PRKAR2B: variants seen among roughly 807,000 people sequenced by gnomAD.
The protein encoded by PRKAR2B is protein kinase cAMP-dependent type II regulatory subunit beta.
A neutral mutation model predicts 49.9 loss-of-function variants in PRKAR2B; 14 were observed. That is an observed-to-expected ratio of 0.28 (90% CI 0.19 to 0.44). The LOEUF (loss-of-function observed/expected upper bound fraction) is 0.44. PRKAR2B is among the 20% of genes least tolerant of loss of function. The pLI, the probability that PRKAR2B is intolerant of heterozygous loss-of-function variation, is 1.00. For synonymous variants in PRKAR2B, 196 were observed against 197.7 expected (o/e 0.99, Z 0.07); for missense variants, 393 against 537.9 (o/e 0.73, Z 2.67).
intron 1 of PRKAR2B, among the ~76,000 whole-genome samples, chr7:107,049,564 G>A (rs1793761054): frequency 6.6e-6 from 1 of 151,884 alleles, no homozygotes; most frequent in Admixed American, 6.6e-5. Flanking sequence ...TTAAGGTCAA[G>A]CAAAATATTG....
intron 10 of PRKAR2B, among the ~76,000 whole-genome samples, 196 bp from the exon 11 acceptor site, chr7:107,159,253 G>A (rs530417584): frequency 1.3e-5 from 2 of 152,224 alleles, no homozygotes; most frequent in South Asian, 4.2e-4. Flanking sequence ...GCAGAGTGTG[G>A]TCCAAGAGCG....
At chr7:107,079,954 T>C (rs1461728821) in intron 2 of PRKAR2B, among the ~76,000 whole-genome samples, 1 of 152,132 alleles carries the variant, frequency 6.6e-6, no homozygotes, top group Non-Finnish European at 1.5e-5. Flanking sequence ...TAAGGACCAG[T>C]GTGAATATAG....
intron 3 of PRKAR2B, among the ~76,000 whole-genome samples, chr7:107,125,787 C>T (rs1327383887): frequency 6.6e-6 from 1 of 152,002 alleles, no homozygotes; most frequent in African/African-American, 2.4e-5. Context: ...AAAAAAAATA[C>T]TACTTAGAAA....
chr7:107,070,941 A>T (rs1190259328), intron 2 of PRKAR2B, among the ~76,000 whole-genome samples: 2 of 152,218 alleles, frequency 1.3e-5, no homozygotes, highest in Non-Finnish European at 2.9e-5. Context: ...TTAGCCATTA[A>T]CAAGGGCGTA....
At chr7:107,078,454 T>C (rs1018985525) in intron 2 of PRKAR2B, among the ~76,000 whole-genome samples, 2 of 152,104 alleles carry the variant, frequency 1.3e-5, no homozygotes. Flanking sequence ...GCCTGGGGGC[T>C]TTTGTCCAGG....
At chr7:107,081,423 A>G (rs146382735) in intron 2 of PRKAR2B, among the ~76,000 whole-genome samples, 1 of 120,342 alleles carries the variant, frequency 8.3e-6, no homozygotes, top group South Asian at 2.9e-4. Flanking sequence ...CCCCATCAGC[A>G]TCTTGACCCA....
intron 3 of PRKAR2B, among the ~76,000 whole-genome samples, chr7:107,126,338 G>C (rs1171165723): frequency 6.7e-6 from 1 of 148,280 alleles, no homozygotes; most frequent in Admixed American, 6.7e-5. Flanking sequence ...GGAGAATGGC[G>C]TGAACCCGGG....
rs1031585694 is a variant in PRKAR2B, at chr7:107,157,229, G to A, written c.1028G>A (p.Arg343Gln). Residue 343 changes from arginine (R) to glutamine (Q), a missense_variant, in exon 10 of 11, where the codon CGA becomes CAA. Coordinates refer to ENST00000265717, the MANE Select transcript of PRKAR2B (RefSeq NM_002736.3). Reference sequence around the variant, plus strand: ...GAGAATGGTGCAGTAGAAATCGCTCGATGCTCGCGGGGACAGTACTTTGGA... The same window carrying A: ...GAGAATGGTGCAGTAGAAATCGCTCAATGCTCGCGGGGACAGTACTTTGGA... ...VEENGAVEIA[R>Q]CSRGQYFGEL... The A allele has an allele frequency of 6.2e-7, 1 of 1,614,146 alleles. No homozygotes were observed.
intron 2 of PRKAR2B, among the ~76,000 whole-genome samples, chr7:107,095,773 G>A (rs1324188230): frequency 2.0e-5 from 3 of 152,162 alleles, no homozygotes; most frequent in African/African-American, 7.2e-5. Context: ...TGTGGTTTTT[G>A]TATTTGGTTC....
intron 6 of PRKAR2B, 87 bp from the exon 7 acceptor site, chr7:107,150,835 A>G (rs1234756593): frequency 3.1e-6 from 2 of 643,892 alleles, no homozygotes; most frequent in Non-Finnish European, 5.3e-6. Flanking sequence ...CAGAATCTTC[A>G]ATCATTGTTT....
At chr7:107,051,114 T>A (rs1400192334) in intron 1 of PRKAR2B, among the ~76,000 whole-genome samples, 2 of 152,200 alleles carry the variant, frequency 1.3e-5, no homozygotes, top group African/African-American at 2.4e-5. Context: ...ATTTGGTAGG[T>A]TTTGGCCTTA....
intron 1 of PRKAR2B, among the ~76,000 whole-genome samples, chr7:107,048,817 A>G (rs1793749384): frequency 1.3e-5 from 2 of 152,246 alleles, no homozygotes; most frequent in African/African-American, 4.8e-5. Flanking sequence ...TATAAATTCT[A>G]ATTGTTACTT....
chr7:107,117,043 C>T lies in PRKAR2B; in HGVS notation c.344-4909C>T, dbSNP rs532406315. Reference sequence around the variant, plus strand: ...TTTTTCCATTATCATCCCCTACCCCCAGTCTTTTTGGACTGTTGCCCCCTA... The same window carrying T: ...TTTTTCCATTATCATCCCCTACCCCTAGTCTTTTTGGACTGTTGCCCCCTA... On this transcript the variant is annotated intron_variant, in intron 2 of 10. Coordinates refer to ENST00000265717, the MANE Select transcript of PRKAR2B (RefSeq NM_002736.3). 1.2e-3 allele frequency among the ~76,000 whole-genome samples: 178 copies of T among 150,252 alleles called. 1 individual carries two copies. The highest frequency in any genetic ancestry group is 4.1e-3 in the African/African-American group (168 of 40,868).
intron 5 of PRKAR2B, among the ~76,000 whole-genome samples, chr7:107,145,733 AT>A (rs916332834): frequency 0.16 from 15,277 of 93,476 alleles, 517 homozygotes; most frequent in East Asian, 0.3. Context: ...TCTTCAGATG[AT>A]TTTTTTTTTT....
intron 2 of PRKAR2B, among the ~76,000 whole-genome samples, chr7:107,092,257 GTGTGTGTGTGTGCGTGTGTC>G (rs1794743810): frequency 6.7e-6 from 1 of 149,458 alleles, no homozygotes; most frequent in Non-Finnish European, 1.5e-5. Context: ...GTGTGTGTGT[GTGTGTGTGTGTGCGTGTGTC>G]TGTGTGTGTG....
intron 2 of PRKAR2B, among the ~76,000 whole-genome samples, chr7:107,114,738 A>G (rs916286493): frequency 6.6e-6 from 1 of 152,004 alleles, no homozygotes; most frequent in Non-Finnish European, 1.5e-5. Context: ...TGAAGGTCTC[A>G]ATTGCTGCTT....
chr7:107,059,181 G>A (rs919886913), intron 1 of PRKAR2B, among the ~76,000 whole-genome samples: 1 of 152,120 alleles, frequency 6.6e-6, no homozygotes, highest in African/African-American at 2.4e-5. Context: ...CCAGCTTCTT[G>A]GGAGGCTGAG....
chr7:107,157,792 G>T (rs1796122417), intron 10 of PRKAR2B, among the ~76,000 whole-genome samples: 1 of 152,172 alleles, frequency 6.6e-6, no homozygotes, highest in Admixed American at 6.5e-5. Flanking sequence ...CTGTTCAGTT[G>T]TTATTACTAT....
intron 1 of PRKAR2B, among the ~76,000 whole-genome samples, chr7:107,061,420 T>G (rs1794024583): frequency 6.6e-6 from 1 of 151,724 alleles, no homozygotes. Flanking sequence ...AATAATGTTT[T>G]ATAATTTTCT....
Sources: gnomAD v4.1 joint callset for allele counts (sites outside exome capture counted in the v4.1 genomes callset) on GRCh38, gnomAD v4.1.1 for gene constraint, MANE v1.5 for transcripts, NCBI Gene and HGNC (gene_info 2026-07-23, HGNC 2026-07-21) for gene names.